FNBP1: variants seen among roughly 807,000 people sequenced by gnomAD.
The protein encoded by FNBP1 is formin-binding protein 1.
In FNBP1, 26 loss-of-function variants were observed where a neutral mutation model predicts 90.6. The ratio of observed to expected loss-of-function variants is 0.29; its 90% confidence interval spans 0.21 to 0.40. FNBP1 has a LOEUF of 0.40. FNBP1 is among the 10% of genes least tolerant of loss of function. The pLI is 1.00. For missense variants in FNBP1, 635 were observed against 768.0 expected, an observed-to-expected ratio of 0.83 and a Z score of 2.05; for synonymous variants, 260 against 265.2, an observed-to-expected ratio of 0.98 and a Z score of 0.19.
intron 1 of FNBP1, among the ~76,000 whole-genome samples, chr9:130,007,742 G>A (rs1041572492): frequency 8.5e-5 from 13 of 152,168 alleles, no homozygotes; most frequent in Non-Finnish European, 1.0e-4. Context: ...TAAGGCCGGC[G>A]TGGTGGCTCA....
intron 4 of FNBP1, among the ~76,000 whole-genome samples, chr9:129,975,449 A>T (rs1382115365): frequency 2.0e-5 from 3 of 152,208 alleles, no homozygotes; most frequent in Non-Finnish European, 4.4e-5. Flanking sequence ...ATTGCAAGAT[A>T]TTTAATGTGT....
At chr9:129,923,154 C>CGTGA (rs2041347299) in intron 10 of FNBP1, among the ~76,000 whole-genome samples, 1 of 152,064 alleles carries the variant, frequency 6.6e-6, no homozygotes, top group Non-Finnish European at 1.5e-5. Flanking sequence ...TGAACTATCA[C>CGTGA]GCCCAGTCTC....
chr9:129,990,443 T>C (rs1038095831), intron 2 of FNBP1, among the ~76,000 whole-genome samples: 1 of 152,050 alleles, frequency 6.6e-6, no homozygotes, highest in Non-Finnish European at 1.5e-5. Context: ...ATGGAAGGGC[T>C]AGCGCAATAG....
chr9:129,980,394 A>G (rs1390895414), intron 2 of FNBP1, among the ~76,000 whole-genome samples: 1 of 151,724 alleles, frequency 6.6e-6, no homozygotes, highest in East Asian at 1.9e-4. Context: ...TGCCAAGGGC[A>G]TGTTTCTAAG....
At chr9:129,924,597 G>A (rs906499837) in intron 9 of FNBP1, among the ~76,000 whole-genome samples, 2 of 152,132 alleles carry the variant, frequency 1.3e-5, no homozygotes, top group Non-Finnish European at 1.5e-5. Context: ...ACATGGTAAC[G>A]ATTTCCAGTA....
chr9:129,980,314 C>T (rs1342385449), intron 2 of FNBP1, among the ~76,000 whole-genome samples: 6 of 149,340 alleles, frequency 4.0e-5, no homozygotes, highest in Admixed American at 1.3e-4. Flanking sequence ...GAGCCGAGAT[C>T]GCACCATTGC....
chr9:130,036,629 C>A (rs898495201), intron 1 of FNBP1, among the ~76,000 whole-genome samples: 12 of 152,144 alleles, frequency 7.9e-5, no homozygotes, highest in African/African-American at 2.9e-4. Flanking sequence ...GATGGCAAAA[C>A]TAAGTTGATT....
intron 6 of FNBP1, among the ~76,000 whole-genome samples, chr9:129,947,814 G>T (rs942836811): frequency 3.3e-5 from 5 of 151,818 alleles, no homozygotes; most frequent in Admixed American, 1.3e-4. Context: ...TAGAGACAGG[G>T]TTTCTCCATG....
chr9:129,907,583 GTGTGTGTGTGTGT>G (rs1564289684), intron 12 of FNBP1, among the ~76,000 whole-genome samples: 44 of 3,278 alleles, frequency 0.013, no homozygotes, highest in East Asian at 0.12. Context: ...GAGTGAGGGT[GTGTGTGTGTGTGT>G]GTGTGTGTGT....
chr9:129,909,809 T>G (rs2038900680), intron 11 of FNBP1, among the ~76,000 whole-genome samples: 1 of 152,106 alleles, frequency 6.6e-6, no homozygotes, highest in African/African-American at 2.4e-5. Context: ...AGTCTCTAAC[T>G]CTTGACTTCA....
At chr9:130,051,113 C>T in the FNBP1 span, among the ~76,000 whole-genome samples, 1 of 152,060 alleles carries the variant, frequency 6.6e-6, no homozygotes, top group Non-Finnish European at 1.5e-5. Context: ...GTTAGCTAGG[C>T]TGGTCTCAGA....
At chr9:129,940,140 A>T (rs1208836947) in intron 6 of FNBP1, among the ~76,000 whole-genome samples, 9 of 152,282 alleles carry the variant, frequency 5.9e-5, no homozygotes, top group South Asian at 2.1e-4. Context: ...GTTCGAGGCT[A>T]TAGTGAGCTA....
chr9:129,971,044 C>A (rs1196696907), intron 4 of FNBP1, among the ~76,000 whole-genome samples: 2 of 151,790 alleles, frequency 1.3e-5, no homozygotes, highest in African/African-American at 4.8e-5. Context: ...CACCACCACA[C>A]CCAGCTAATT....
Position 129,961,677 on chromosome 9 carries a change from C to T in FNBP1, c.346-3124G>A, listed in dbSNP as rs183375414. Among the ~76,000 whole-genome samples, 412 of 152,080 alleles carry T rather than the reference C, an allele frequency of 2.7e-3. 2 individuals are homozygous for T. Among genetic ancestry groups the T allele is most frequent in the Non-Finnish European group, 4.8e-3 (329 of 67,968 alleles). On this transcript the variant is annotated intron_variant, in intron 4 of 16. Transcript: ENST00000446176. ...CTGCCTCCCTGTGACCTCTGCCTCCCGGGTTCAAGTGATTCTCCTGCCTCA... is the reference window on the plus strand; with the variant it reads ...CTGCCTCCCTGTGACCTCTGCCTCCTGGGTTCAAGTGATTCTCCTGCCTCA...
chr9:129,910,504 A>G (rs45461896), intron 11 of FNBP1, among the ~76,000 whole-genome samples: 1,848 of 104,118 alleles, frequency 0.018, 63 homozygotes, highest in African/African-American at 0.033. Flanking sequence ...AAAAAAAAAA[A>G]AGAGAGAGAG....
rs142063920 is a variant in FNBP1 at position 130,029,018 on chromosome 9, A to T, written c.24+13934T>A. Among the ~76,000 whole-genome samples the T allele has an allele frequency of 1.8e-3, 279 of 152,316 alleles. 2 individuals are homozygous for T. The highest frequency in any genetic ancestry group is 6.4e-3 in the African/African-American group (267 of 41,564). On this transcript the variant is annotated intron_variant, in intron 1 of 16. Coordinates refer to ENST00000446176, the MANE Select transcript of FNBP1 (RefSeq NM_015033.3). Reference sequence around the variant, plus strand: ...GTCTCATTCCCTTGTTTTTGTCCATAGCATTTATCATTATCTGACACACTG... The same window carrying T: ...GTCTCATTCCCTTGTTTTTGTCCATTGCATTTATCATTATCTGACACACTG...
chr9:130,002,477 TG>T (rs2055011102), intron 1 of FNBP1, among the ~76,000 whole-genome samples: 1 of 152,134 alleles, frequency 6.6e-6, no homozygotes, highest in African/African-American at 2.4e-5. Flanking sequence ...CTATGAGTCC[TG>T]GCCAGAGCTG....
chr9:130,037,824 C>T (rs979697369), intron 1 of FNBP1, among the ~76,000 whole-genome samples: 29 of 151,926 alleles, frequency 1.9e-4, no homozygotes, highest in African/African-American at 6.8e-4. Context: ...AATTATCTTC[C>T]CATTATTTTT....
chr9:129,938,694 GA>G (rs2043872502), intron 6 of FNBP1, among the ~76,000 whole-genome samples: 1 of 152,134 alleles, frequency 6.6e-6, no homozygotes, highest in Non-Finnish European at 1.5e-5. Context: ...ACAGTTTTAA[GA>G]AAAGGTCTTC....
Sources: allele counts gnomAD v4.1 joint callset (sites outside exome capture counted in the v4.1 genomes callset), GRCh38; gene constraint gnomAD v4.1.1; transcripts MANE v1.5; gene names NCBI Gene and HGNC (gene_info 2026-07-23, HGNC 2026-07-21).